The following CCSER1 variants were observed in gnomAD, a reference collection of about 807,000 sequenced individuals.
CCSER1 encodes serine-rich coiled-coil domain-containing protein 1.
CCSER1 carries 41 observed loss-of-function variants against 82.0 expected under a neutral mutation model. That is an observed-to-expected ratio of 0.50 (90% confidence interval 0.39 to 0.65). The LOEUF (loss-of-function observed/expected upper bound fraction) is 0.65, where lower values mean the gene tolerates loss of function less well. Ranked by LOEUF, CCSER1 falls within the 30% of genes least tolerant of loss-of-function variation. The pLI is 0.00. For synonymous variants in CCSER1, 414 were observed against 383.9 expected (o/e 1.08, Z -0.92); for missense variants, 1,119 against 1,064.2 (o/e 1.05, Z -0.72).
intron 8 of CCSER1, among the ~76,000 whole-genome samples, chr4:90,844,299 C>T (rs959448684): frequency 6.6e-6 from 1 of 152,036 alleles, no homozygotes; most frequent in Non-Finnish European, 1.5e-5. Context: ...ATTATACTTG[C>T]TTTACTGTGC....
intron 5 of CCSER1, among the ~76,000 whole-genome samples, chr4:90,540,469 AG>A (rs1775969525): frequency 6.6e-6 from 1 of 152,084 alleles, no homozygotes; most frequent in African/African-American, 2.4e-5. Context: ...CTCCAGAGGA[AG>A]GTCAGCATGC....
intron 1 of CCSER1, among the ~76,000 whole-genome samples, chr4:90,283,962 T>G (rs1181681456): frequency 1.3e-5 from 2 of 152,098 alleles, no homozygotes; most frequent in Non-Finnish European, 2.9e-5. Flanking sequence ...AGGGTTCCCC[T>G]TTCTCCACAT....
chr4:90,818,207 T>C, intron 8 of CCSER1, among the ~76,000 whole-genome samples: 1 of 151,960 alleles, frequency 6.6e-6, no homozygotes, highest in Admixed American at 6.6e-5. Context: ...TCATCAATAG[T>C]GGGAAGAGTT....
intron 6 of CCSER1, among the ~76,000 whole-genome samples, chr4:90,636,159 A>G (rs1040320332): frequency 6.6e-6 from 1 of 151,976 alleles, no homozygotes; most frequent in African/African-American, 2.4e-5. Context: ...ATAATAAGAC[A>G]TGGTTACAAA....
At chr4:90,657,792 G>A (rs1025014037) in intron 6 of CCSER1, among the ~76,000 whole-genome samples, 8 of 152,082 alleles carry the variant, frequency 5.3e-5, no homozygotes, top group African/African-American at 1.7e-4. Context: ...TTACAATTAT[G>A]TTAAGACTAT....
intron 6 of CCSER1, among the ~76,000 whole-genome samples, chr4:90,656,880 C>T (rs1455380314): frequency 6.6e-6 from 1 of 151,926 alleles, no homozygotes; most frequent in Non-Finnish European, 1.5e-5. Context: ...TTTAAATGAA[C>T]ACATGTAATT....
At chr4:90,132,273 TA>T (rs927751431) in intron 1 of CCSER1, among the ~76,000 whole-genome samples, 1 of 152,214 alleles carries the variant, frequency 6.6e-6, no homozygotes, top group African/African-American at 2.4e-5. Context: ...TTCGATAATG[TA>T]ATCTCGTCCA....
chr4:91,378,586 T>A (rs970166020), intron 10 of CCSER1, among the ~76,000 whole-genome samples: 14 of 152,358 alleles, frequency 9.2e-5, no homozygotes, highest in Middle Eastern at 3.4e-3. Context: ...CTTGTGACTT[T>A]TGCACATTGA....
Position 90,724,004 on chromosome 4 carries a change from C to T in CCSER1, c.2010+13C>T, listed in dbSNP as rs1561019432. 2.7e-6 allele frequency: 4 copies of T among 1,479,518 alleles called. No homozygotes were observed. Among genetic ancestry groups the T allele is most frequent in the Non-Finnish European group, 3.7e-6 (4 of 1,081,640 alleles). The allele number at this position is 1,479,518 out of a possible 1,614,324, so 91.6% of individuals were successfully genotyped here. On this transcript the variant is annotated intron_variant, in intron 7 of 10. Coordinates refer to ENST00000509176, the MANE Select transcript of CCSER1 (RefSeq NM_001145065.2). ...AGTGCCTTTCAAGGTAAAAAACAAA[C>T]AAGAAAGCATTATTTATAAAAATAT...
At chr4:91,206,629 T>C (rs1736366016) in intron 10 of CCSER1, among the ~76,000 whole-genome samples, 1 of 151,818 alleles carries the variant, frequency 6.6e-6, no homozygotes, top group African/African-American at 2.4e-5. Context: ...GCAGGTAACT[T>C]TGGCAGATTG....
At chr4:91,547,313 T>C (rs60966328) in intron 10 of CCSER1, among the ~76,000 whole-genome samples, 8,124 of 152,250 alleles carry the variant, frequency 0.053, 234 homozygotes, top group Middle Eastern at 0.075. Flanking sequence ...CAATCAGCTA[T>C]GATAATGGAT....
intron 10 of CCSER1, among the ~76,000 whole-genome samples, chr4:91,297,385 ATGTGTGTGTGTGTGTGTGTGTGTGTGTG>A (rs57164334): frequency 8.5e-6 from 1 of 117,988 alleles, no homozygotes; most frequent in African/African-American, 3.0e-5. Context: ...GTGTGTGTGT[ATGTGTGTGTGTGTGTGTGTGTGTGTGTG>A]TGTGTGTGTG....
At chr4:90,490,389 T>C (rs543891261) in intron 5 of CCSER1, among the ~76,000 whole-genome samples, 2 of 152,200 alleles carry the variant, frequency 1.3e-5, no homozygotes, top group Admixed American at 6.5e-5. Context: ...TTCTTGTAAA[T>C]TTGTTTGAGT....
chr4:90,947,080 A>G (rs1046269731), intron 9 of CCSER1, among the ~76,000 whole-genome samples: 2 of 152,202 alleles, frequency 1.3e-5, no homozygotes, highest in Admixed American at 6.5e-5. Context: ...CCCAGAAGTG[A>G]CATATAATAC....
rs1289540270 is a variant in CCSER1, at chr4:90,477,527, G to A, written c.1724+9173G>A. Among the ~76,000 whole-genome samples, 3 of 152,264 alleles carry A rather than the reference G, an allele frequency of 2.0e-5. No individual in the cohort carries two copies. In the East Asian group the frequency reaches 5.8e-4, roughly 29 times the overall value. On this transcript the variant is annotated intron_variant, in intron 5 of 10. Transcript: ENST00000509176. ...AGTTGGGCATAAGAATAAGGGATTGGATCTCTAAGAATACATAATGTTCTG... is the reference window on the plus strand; with the variant it reads ...AGTTGGGCATAAGAATAAGGGATTGAATCTCTAAGAATACATAATGTTCTG...
At chr4:90,860,833 G>A (rs1005266253) in intron 8 of CCSER1, among the ~76,000 whole-genome samples, 2 of 151,664 alleles carry the variant, frequency 1.3e-5, no homozygotes, top group Admixed American at 6.6e-5. Context: ...ACAGAAAGTA[G>A]ATTAGTGCTT....
chr4:90,552,130 G>T (rs1190233866), intron 5 of CCSER1, among the ~76,000 whole-genome samples: 1 of 152,102 alleles, frequency 6.6e-6, no homozygotes, highest in Non-Finnish European at 1.5e-5. Flanking sequence ...GCTTCTTAAA[G>T]GCCCCACGAC....
chr4:91,539,994 G>GGAAC lies in CCSER1; in HGVS notation c.2218-58577_2218-58574dup, dbSNP rs1761503814. On this transcript the variant is annotated intron_variant, in intron 10 of 10. Coordinates refer to ENST00000509176, the MANE Select transcript of CCSER1 (RefSeq NM_001145065.2). ...TGCTTATCTTTAATCTATGCATGAT[G>GGAAC]GAACATAAGTAAGTCTCTAAAAATT... 3.3e-5 allele frequency among the ~76,000 whole-genome samples: 5 copies of GGAAC among 152,016 alleles called. No homozygotes were observed. The South Asian group carries it at 1.0e-3, about 31-fold the overall frequency.
chr4:91,294,483 C>T (rs1744009804), intron 10 of CCSER1, among the ~76,000 whole-genome samples: 1 of 151,706 alleles, frequency 6.6e-6, no homozygotes, highest in African/African-American at 2.4e-5. Flanking sequence ...AACAAGTTAC[C>T]ACAAACTCAG....
Sources: gnomAD v4.1 joint callset for allele counts (sites outside exome capture counted in the v4.1 genomes callset) on GRCh38, gnomAD v4.1.1 for gene constraint, MANE v1.5 for transcripts, NCBI Gene and HGNC (gene_info 2026-07-23, HGNC 2026-07-21) for gene names.